Variants in SPIDR observed in about 807,000 individuals in gnomAD.
The protein encoded by SPIDR is scaffold protein involved in DNA repair.
SPIDR carries 93 observed loss-of-function variants against 104.6 expected under a neutral mutation model. That is an observed-to-expected ratio of 0.89 (90% CI 0.75 to 1.06). The LOEUF (loss-of-function observed/expected upper bound fraction) is 1.06. Among genes scored for constraint, SPIDR ranks in the 50% least tolerant of loss-of-function variants. The probability of loss-of-function intolerance (pLI) is 0.00; values close to 1 mark genes in which losing one functional copy is unlikely to be tolerated. For missense variants in SPIDR, 1,154 were observed against 1,111.2 expected (o/e 1.04, Z -0.55); for synonymous variants, 431 against 416.9 (o/e 1.03, Z -0.41).
At chr8:47,431,432 T>C (rs2067349916) in intron 7 of SPIDR, among the ~76,000 whole-genome samples, 2 of 152,210 alleles carry the variant, frequency 1.3e-5, no homozygotes, top group African/African-American at 4.8e-5. Context: ...TTCTAGAGCC[T>C]TTGTATGCTT....
chr8:47,719,395 G>C (rs947159614), intron 16 of SPIDR, among the ~76,000 whole-genome samples: 3 of 152,100 alleles, frequency 2.0e-5, no homozygotes, highest in Non-Finnish European at 4.4e-5. Context: ...TGTAGTCCCA[G>C]CTACTCGGGA....
intron 10 of SPIDR, among the ~76,000 whole-genome samples, chr8:47,600,771 A>G (rs1423415275): frequency 6.6e-6 from 1 of 152,102 alleles, no homozygotes; most frequent in Admixed American, 6.5e-5. Context: ...TAGGTTTTGA[A>G]GAAGGGGATA....
chr8:47,395,734 T>A (rs2061179033), intron 5 of SPIDR, among the ~76,000 whole-genome samples: 2 of 152,274 alleles, frequency 1.3e-5, no homozygotes, highest in South Asian at 4.1e-4. Context: ...TTTCAAAAAA[T>A]TATTATTTTG....
chr8:47,261,733 T>C (rs980321849), intron 1 of SPIDR, among the ~76,000 whole-genome samples: 2 of 152,228 alleles, frequency 1.3e-5, no homozygotes, highest in Non-Finnish European at 2.9e-5. Context: ...CCACATATAC[T>C]GGTTCAACTT....
intron 9 of SPIDR, 115 bp from the exon 10 acceptor site, chr8:47,598,831 T>C: frequency 7.6e-7 from 1 of 1,321,058 alleles, no homozygotes; most frequent in Non-Finnish European, 1.1e-6. Flanking sequence ...GTAGTGCAGA[T>C]CCATTGGGTG....
intron 7 of SPIDR, among the ~76,000 whole-genome samples, chr8:47,408,525 G>A (rs2063063748): frequency 2.6e-5 from 4 of 152,150 alleles, no homozygotes; most frequent in Admixed American, 6.6e-5. Flanking sequence ...TAATCAAAAC[G>A]TTGTACCCTT....
chr8:47,461,474 G>T (rs1554713440), intron 8 of SPIDR, among the ~76,000 whole-genome samples: 1 of 152,152 alleles, frequency 6.6e-6, no homozygotes, highest in African/African-American at 2.4e-5. Context: ...ACCAGGTCCA[G>T]CTAATTTTTG....
intron 8 of SPIDR, among the ~76,000 whole-genome samples, chr8:47,591,445 T>C (rs1001297295): frequency 2.6e-5 from 4 of 151,220 alleles, no homozygotes; most frequent in Non-Finnish European, 4.4e-5. Context: ...TATTTATTTA[T>C]TTATTTATTT....
intron 8 of SPIDR, among the ~76,000 whole-genome samples, chr8:47,475,647 G>T (rs2076198146): frequency 6.6e-6 from 1 of 152,114 alleles, no homozygotes; most frequent in South Asian, 2.1e-4. Context: ...ATAATAAAAG[G>T]CTACATGTTT....
chr8:47,614,651 C>G lies in SPIDR; in HGVS notation c.1544+15455C>G, dbSNP rs140138382. Among the ~76,000 whole-genome samples the G allele has an allele frequency of 2.0e-3, 299 of 152,300 alleles. 3 individuals are homozygous for G. Among genetic ancestry groups the G allele is most frequent in the African/African-American group, 7.1e-3 (294 of 41,578 alleles). ...CTATTGTGAATAATGCTGCAGTGAA[C>G]ATATGCATGCATGTATCTTCATCAT... On this transcript the variant is annotated intron_variant, in intron 10 of 19. Transcript: ENST00000297423.
chr8:47,275,553 T>A (rs1238915309), intron 1 of SPIDR, among the ~76,000 whole-genome samples: 1 of 152,190 alleles, frequency 6.6e-6, no homozygotes, highest in Non-Finnish European at 1.5e-5. Context: ...TGCATATATT[T>A]TTTAGTTTCC....
At chr8:47,317,986 G>T (rs532161396) in intron 5 of SPIDR, among the ~76,000 whole-genome samples, 1 of 152,114 alleles carries the variant, frequency 6.6e-6, no homozygotes, top group Admixed American at 6.6e-5. Context: ...AAACCACAAA[G>T]ATGGAGAAAA....
At chr8:47,444,995 A>G (rs1313649436) in intron 8 of SPIDR, among the ~76,000 whole-genome samples, 9 of 152,214 alleles carry the variant, frequency 5.9e-5, no homozygotes, top group African/African-American at 1.9e-4. Context: ...TTAGTATAGT[A>G]AAGGGTATGT....
chr8:47,304,588 C>T (rs1563545974), intron 5 of SPIDR, among the ~76,000 whole-genome samples: 1 of 152,154 alleles, frequency 6.6e-6, no homozygotes, highest in Non-Finnish European at 1.5e-5. Flanking sequence ...GAAGTGTCTG[C>T]TTCCTCCTCC....
intron 8 of SPIDR, among the ~76,000 whole-genome samples, chr8:47,505,834 C>G (rs557499821): frequency 6.6e-6 from 1 of 152,190 alleles, no homozygotes; most frequent in South Asian, 2.1e-4. Context: ...TATTAGTGTT[C>G]ACTCTCTCCG....
intron 11 of SPIDR, among the ~76,000 whole-genome samples, chr8:47,681,011 C>G (rs1260760840): frequency 6.6e-6 from 1 of 152,098 alleles, no homozygotes; most frequent in Non-Finnish European, 1.5e-5. Flanking sequence ...TGCAGTGAGC[C>G]GAGATCACGC....
At chr8:47,544,170 T>G (rs2154393871) in intron 8 of SPIDR, among the ~76,000 whole-genome samples, 1 of 152,336 alleles carries the variant, frequency 6.6e-6, no homozygotes, top group East Asian at 1.9e-4. Context: ...TCTTTTCATG[T>G]GCTCATTTGC....
At chr8:47,372,613 G>C (rs1261102510) in intron 5 of SPIDR, among the ~76,000 whole-genome samples, 6 of 151,934 alleles carry the variant, frequency 3.9e-5, no homozygotes, top group Non-Finnish European at 7.4e-5. Context: ...GTGACAGAGC[G>C]AGACTCCGTC....
intron 5 of SPIDR, among the ~76,000 whole-genome samples, chr8:47,294,802 T>G (rs1186748135): frequency 2.0e-5 from 3 of 152,288 alleles, no homozygotes; most frequent in African/African-American, 7.2e-5. Flanking sequence ...GGCTAATTGT[T>G]GTATTTTTTG....
Sources: allele counts gnomAD v4.1 joint callset (sites outside exome capture counted in the v4.1 genomes callset), GRCh38; gene constraint gnomAD v4.1.1; transcripts MANE v1.5; gene names NCBI Gene and HGNC (gene_info 2026-07-23, HGNC 2026-07-21).